Variants in RNF8 observed in about 807,000 individuals in gnomAD.
The protein encoded by RNF8 is E3 ubiquitin-protein ligase RNF8.
Under a neutral mutation model 59.3 loss-of-function variants are expected in RNF8, and 8 were observed. The observed-to-expected ratio is 0.13, with a 90% CI of 0.08 to 0.24. RNF8 has a LOEUF of 0.24. Ranked by LOEUF, RNF8 falls within the 10% of genes least tolerant of loss-of-function variation. The probability of loss-of-function intolerance (pLI) is 1.00; values close to 1 mark genes in which losing one functional copy is unlikely to be tolerated. For missense variants in RNF8, 406 were observed against 572.6 expected (o/e 0.71, Z 2.97); for synonymous variants, 162 against 200.0 (o/e 0.81, Z 1.60).
At chr6:37,372,276 AT>A (rs1203491477) in intron 4 of RNF8, among the ~76,000 whole-genome samples, 6 of 152,202 alleles carry the variant, frequency 3.9e-5, no homozygotes, top group Admixed American at 3.9e-4. Context: ...TCACATAGGA[AT>A]TTGTTCAGGG....
At chr6:37,375,953 G>A (rs938641695) in intron 5 of RNF8, among the ~76,000 whole-genome samples, 1 of 152,304 alleles carries the variant, frequency 6.6e-6, no homozygotes, top group African/African-American at 2.4e-5. Flanking sequence ...GAAAGCCGGG[G>A]AGATGGTACT....
chr6:37,360,508 G>T lies in RNF8; in HGVS notation c.174G>T (p.Met58Ile). ...YQLVSKICPL[M>I]ISRNHCVLKQ... The stretch of plus-strand genomic sequence containing the variant: ...TGGTATCAAAAATCTGCCCCCTGAT[G>T]ATTTCTCGAAACCACTGTGTTTTGA... The change falls in exon 2 of 8, where the codon ATG becomes ATT. Residue 58 changes from methionine to isoleucine, a missense_variant. This residue lies in a region of RNF8 where 62 missense variants were observed against 112.2 expected (regional missense o/e 0.55). Transcript: ENST00000373479. The surrounding 1 kb of genome is among the most constrained non-coding windows in gnomAD (Gnocchi z 4.2). 2 of 1,613,956 alleles carry T rather than the reference G, an allele frequency of 1.2e-6. No homozygotes were observed. Among genetic ancestry groups the T allele is most frequent in the Non-Finnish European group, 1.7e-6 (2 of 1,179,932 alleles).
chr6:37,369,067 A>T lies in RNF8; in HGVS notation c.824A>T (p.Lys275Met). 1 of 1,614,260 alleles carries T rather than the reference A, an allele frequency of 6.2e-7. No homozygotes were observed. The highest frequency in any genetic ancestry group is 8.5e-7 in the Non-Finnish European group (1 of 1,180,046). Reference protein sequence around the residue: ...EKHEAVMNVKKQTQKGNSKKV... With the variant: ...EKHEAVMNVKMQTQKGNSKKV... Reference sequence around the variant, plus strand: ...CATGAAGCCGTTATGAATGTGAAAAAGCAGACCCAAAAGGGGAACTCAAAG... The same window carrying T: ...CATGAAGCCGTTATGAATGTGAAAATGCAGACCCAAAAGGGGAACTCAAAG... The change falls in exon 3 of 8, where the codon AAG (lysine) becomes ATG (methionine). Residue 275 changes from lysine to methionine, a missense_variant. This residue lies in a region of RNF8 where 285 missense variants were observed against 342.0 expected (regional missense o/e 0.83). Coordinates refer to ENST00000373479, the MANE Select transcript of RNF8 (RefSeq NM_003958.4).
chr6:37,374,511 C>T, intron 4 of RNF8, 109 bp from the exon 5 acceptor site: 1 of 763,396 alleles, frequency 1.3e-6, no homozygotes, highest in Non-Finnish European at 2.2e-6. Flanking sequence ...ATTTATCGAT[C>T]CCTGAACCAC....
chr6:37,360,592 A>C lies in RNF8; in HGVS notation c.240+18A>C. ...ACAACAAGGTACAGGAATTCACAGAAGCCTAATGACTTTTATTTGTTTTTA... is the reference window on the plus strand; with the variant it reads ...ACAACAAGGTACAGGAATTCACAGACGCCTAATGACTTTTATTTGTTTTTA... On this transcript the variant is annotated intron_variant, in intron 2 of 7. Coordinates refer to ENST00000373479, the MANE Select transcript of RNF8 (RefSeq NM_003958.4). This position sits in a 1 kb window ranked among gnomAD's most constrained non-coding sequence, Gnocchi z 4.2. The C allele has an allele frequency of 6.2e-7, 1 of 1,600,978 alleles. No homozygotes were observed. Among genetic ancestry groups the C allele is most frequent in the Non-Finnish European group, 8.5e-7 (1 of 1,173,038 alleles).
In RNF8 at chr6:37,388,935, TA is replaced by T. The variant is rs10667248; in HGVS notation, c.1442-1794del. On this transcript the variant is annotated intron_variant, in intron 7 of 7. Coordinates refer to ENST00000373479, the MANE Select transcript of RNF8 (RefSeq NM_003958.4). ...GCAAAAGAGCCAGACCCTATCTCTTTAAAAAAAAAAAAAGACATTACATGGT... is the reference window on the plus strand; with the variant it reads ...GCAAAAGAGCCAGACCCTATCTCTTTAAAAAAAAAAAAGACATTACATGGT... 1.8e-3 allele frequency among the ~76,000 whole-genome samples: 257 copies of T among 139,434 alleles called. 1 individual carries two copies. Among genetic ancestry groups the T allele is most frequent in the South Asian group, 3.4e-3 (15 of 4,472 alleles). The allele number at this position is 139,434 out of a possible 152,430, so 91.5% of individuals were successfully genotyped here. A position where few individuals can be genotyped will look rare whatever the true frequency, so the allele number is the denominator to read the frequency against.
intron 7 of RNF8, among the ~76,000 whole-genome samples, chr6:37,382,479 C>T (rs1317042497): frequency 1.3e-5 from 2 of 152,042 alleles, no homozygotes; most frequent in East Asian, 3.9e-4. Context: ...AAAGTATCTA[C>T]GGAGGCTTTG....
chr6:37,389,619 CAG>C (rs1175722382), intron 7 of RNF8, among the ~76,000 whole-genome samples: 2 of 151,592 alleles, frequency 1.3e-5, no homozygotes, highest in African/African-American at 2.4e-5. Context: ...CAGGGGAAGA[CAG>C]GGAGTACAGA....
intron 2 of RNF8, among the ~76,000 whole-genome samples, chr6:37,364,179 A>AC (rs1769454576): frequency 3.0e-5 from 1 of 33,802 alleles, no homozygotes; most frequent in Non-Finnish European, 5.1e-5. Flanking sequence ...ACTCTGTCTC[A>AC]AAAAAAAAAA....
rs1176401259 is a variant in RNF8, at chr6:37,391,836, G to C, written c.*1078G>C. On this transcript the variant is annotated 3_prime_UTR_variant, in exon 8 of 8. Coordinates refer to ENST00000373479, the MANE Select transcript of RNF8 (RefSeq NM_003958.4). ...CCCAGCTAATTTTTGTTTTTCTGTA[G>C]AGACAGGGTTTCACCATGTTGGCCA... The C allele has an allele frequency of 1.3e-5, 2 of 152,224 alleles. No individual in the cohort carries two copies. Among genetic ancestry groups the C allele is most frequent in the African/African-American group, 4.8e-5 (2 of 41,432 alleles). The allele number at this position is 152,224 out of a possible 1,614,324, so 9.4% of individuals were successfully genotyped here.
chr6:37,359,800 G>C (rs894571996), intron 1 of RNF8, among the ~76,000 whole-genome samples: 2 of 152,232 alleles, frequency 1.3e-5, no homozygotes, highest in African/African-American at 4.8e-5. Flanking sequence ...GTTTGACTGT[G>C]TAATAGAAAT....
intron 1 of RNF8, among the ~76,000 whole-genome samples, chr6:37,358,118 G>A (rs1288311277): frequency 6.6e-6 from 1 of 152,190 alleles, no homozygotes; most frequent in African/African-American, 2.4e-5. Flanking sequence ...AGAGAAGAGT[G>A]TTCTTAGCAG....
chr6:37,377,066 T>C (rs1439639821), intron 6 of RNF8, 33 bp downstream of exon 6: 3 of 931,018 alleles, frequency 3.2e-6, no homozygotes, highest in Admixed American at 2.7e-5. Context: ...CCCTTCTTTT[T>C]TTTTTTTTTT....
chr6:37,374,373 A>G (rs565168581), intron 4 of RNF8, among the ~76,000 whole-genome samples: 2 of 152,300 alleles, frequency 1.3e-5, no homozygotes, highest in East Asian at 1.9e-4. Context: ...ATGGCCACCA[A>G]TGTTGGGTTA....
At position 37,369,154 on chromosome 6, in the gene RNF8, C is replaced by A; in HGVS notation, c.911C>A (p.Ala304Asp). The change falls in exon 3 of 8, where the codon GCT (alanine) becomes GAT (aspartate). Residue 304 changes from alanine to aspartate, a missense_variant. Coordinates refer to ENST00000373479, the MANE Select transcript of RNF8 (RefSeq NM_003958.4). Reference protein sequence around the residue: ...DLQSQLCAEQAQQQARVEQLE... With the variant: ...DLQSQLCAEQDQQQARVEQLE... Reference sequence around the variant, plus strand: ...CAGTCCCAGCTGTGTGCAGAGCAGGCTCAGCAGCAGGCAAGAGTGGAGCAA... The same window carrying A: ...CAGTCCCAGCTGTGTGCAGAGCAGGATCAGCAGCAGGCAAGAGTGGAGCAA... The A allele has an allele frequency of 6.2e-7, 1 of 1,614,080 alleles. No individual in the cohort carries two copies.
rs1299708703 is a variant in RNF8 at position 37,392,589 on chromosome 6, T to TG, written c.*1832dup. On this transcript the variant is annotated 3_prime_UTR_variant, in exon 8 of 8. Transcript: ENST00000373479. ...GTAAACTGTACGCTATTCTGAACCTTGCTTTTTTCAGATATATGTTGGCAA... is the reference window on the plus strand; with the variant it reads ...GTAAACTGTACGCTATTCTGAACCTTGGCTTTTTTCAGATATATGTTGGCAA... The TG allele has an allele frequency of 7.5e-6, 3 of 398,510 alleles. No individual in the cohort carries two copies. The highest frequency in any genetic ancestry group is 1.3e-5 in the Non-Finnish European group (3 of 226,064). 24.7% of individuals were successfully genotyped at this position (398,510 alleles called of 1,614,324 possible).
chr6:37,368,591 G>A lies in RNF8; in HGVS notation c.348G>A (p.Glu116=). The part of the protein sequence containing the change: ...IQLGVPLENK[E]NAEYEYEVTE... ...TTGGAGTGCCTCTGGAAAATAAGGA[G>A]AATGCGGAGTATGAATATGAAGTTA... Residue 116 remains glutamate (E), a synonymous_variant, in exon 3 of 8, where the codon GAG becomes GAA. Transcript: ENST00000373479. 1 of 1,614,160 alleles carries A rather than the reference G, an allele frequency of 6.2e-7. No homozygotes were observed. The highest frequency in any genetic ancestry group is 8.5e-7 in the Non-Finnish European group (1 of 1,180,028).
intron 7 of RNF8, among the ~76,000 whole-genome samples, chr6:37,382,582 G>A (rs1056305985): frequency 6.6e-6 from 1 of 152,116 alleles, no homozygotes; most frequent in African/African-American, 2.4e-5. Flanking sequence ...GGGGGACGGG[G>A]TTGGGGGGTG....
chr6:37,390,689 G>T, intron 7 of RNF8, 53 bp from the exon 8 acceptor site: 1 of 1,398,456 alleles, frequency 7.2e-7, no homozygotes. Flanking sequence ...GGGAGTCCAC[G>T]GAAGGGAAAT....
Sources: gnomAD v4.1 joint callset for allele counts (sites outside exome capture counted in the v4.1 genomes callset) on GRCh38, gnomAD v4.1.1 for gene constraint, gnomAD v4.1.1 regional missense constraint, Gnocchi (gnomAD v3.1) non-coding constraint, MANE v1.5 for transcripts, NCBI Gene and HGNC (gene_info 2026-07-23, HGNC 2026-07-21) for gene names.